The following PRPF4 variants were observed in gnomAD, a reference collection of about 807,000 sequenced individuals.
The protein encoded by PRPF4 is U4/U6 small nuclear ribonucleoprotein Prp4.
In PRPF4, 14 loss-of-function variants were observed where a neutral mutation model predicts 72.2. The observed-to-expected ratio is 0.19, with a 90% CI of 0.13 to 0.30. PRPF4 has a LOEUF of 0.30. Ranked by LOEUF, PRPF4 falls within the 10% of genes least tolerant of loss-of-function variation. PRPF4 has a pLI of 1.00. For missense variants in PRPF4, 478 were observed against 653.9 expected, an observed-to-expected ratio of 0.73 and a Z score of 2.93; for synonymous variants, 225 against 232.2, an observed-to-expected ratio of 0.97 and a Z score of 0.28.
intron 3 of PRPF4, 121 bp downstream of exon 3, chr9:113,279,252 A>G (rs534910779): frequency 1.1e-6 from 1 of 943,034 alleles, no homozygotes; most frequent in African/African-American, 1.7e-5. Flanking sequence ...ACAATATCTT[A>G]CTGTGTTTAT....
chr9:113,280,905 A>G (rs1832261854), intron 3 of PRPF4, among the ~76,000 whole-genome samples: 1 of 151,570 alleles, frequency 6.6e-6, no homozygotes, highest in African/African-American at 2.4e-5. Flanking sequence ...CGGTGGTGCA[A>G]TCTCAGCTCA....
chr9:113,289,630 T>C (rs1483921441), intron 10 of PRPF4, among the ~76,000 whole-genome samples: 1 of 152,242 alleles, frequency 6.6e-6, no homozygotes, highest in Non-Finnish European at 1.5e-5. Flanking sequence ...CTTTTGTCTT[T>C]ATTTCCATGT....
At chr9:113,288,101 C>G in intron 9 of PRPF4, 74 bp from the exon 10 acceptor site, 2 of 1,417,176 alleles carry the variant, frequency 1.4e-6, no homozygotes, top group Non-Finnish European at 2.0e-6. Context: ...ATGGGTATGT[C>G]TGCACAGAAG....
At chr9:113,290,434 G>A in intron 10 of PRPF4, 32 bp from the exon 11 acceptor site, 1 of 1,613,768 alleles carries the variant, frequency 6.2e-7, no homozygotes. Context: ...ATAAATATCA[G>A]CTGGTTGATT....
rs955399541 is a variant in PRPF4, at chr9:113,292,454, C to T, written c.*794C>T. 1 of 152,184 alleles carries T rather than the reference C, an allele frequency of 6.6e-6. No individual in the cohort carries two copies. Among genetic ancestry groups the T allele is most frequent in the African/African-American group, 2.4e-5 (1 of 41,434 alleles). 9.4% of individuals were successfully genotyped at this position (152,184 alleles called of 1,614,324 possible). On this transcript the variant is annotated 3_prime_UTR_variant, in exon 14 of 14. Coordinates refer to ENST00000374198, the MANE Select transcript of PRPF4 (RefSeq NM_001244926.2). Reference sequence around the variant, plus strand: ...ATCATAGCGAGCACTTTTCCTTTCCCTGGAGAATGGGATGTGAAGCAGTAG... The same window carrying T: ...ATCATAGCGAGCACTTTTCCTTTCCTTGGAGAATGGGATGTGAAGCAGTAG...
At chr9:113,278,094 A>T (rs1454067684) in intron 2 of PRPF4, among the ~76,000 whole-genome samples, 1 of 152,264 alleles carries the variant, frequency 6.6e-6, no homozygotes, top group African/African-American at 2.4e-5. Flanking sequence ...TAATACAGCT[A>T]AAAAGTATGT....
rs71367713 is a variant in PRPF4 at position 113,285,343 on chromosome 9, A to ATT, written c.750-837_750-836dup. ...CAATAGTGAGACCCTGTCTCTACAA[A>ATT]TTTTTTTTTTTTTTTTTTTTTTTTT... On this transcript the variant is annotated intron_variant, in intron 7 of 13. Coordinates refer to ENST00000374198, the MANE Select transcript of PRPF4 (RefSeq NM_001244926.2). Among the ~76,000 whole-genome samples, 124 of 67,570 alleles carry ATT rather than the reference A, an allele frequency of 1.8e-3. 10 individuals are homozygous for ATT. The highest frequency in any genetic ancestry group is 2.5e-3 in the Non-Finnish European group (85 of 34,174). 44.3% of individuals were successfully genotyped at this position (67,570 alleles called of 152,430 possible). A position where few individuals can be genotyped will look rare whatever the true frequency, so the allele number is the denominator to read the frequency against.
Position 113,283,432 on chromosome 9 carries a change from C to A in PRPF4, c.604C>A (p.Pro202Thr). The stretch of plus-strand genomic sequence containing the variant: ...AGAGGCCCGACTCCATAAGGAGATT[C>A]CTGAGACAACAAGGACCTCCCAGAT... ...LEEARLHKEI[P>T]ETTRTSQMQE... Residue 202 changes from proline (P) to threonine (T), a missense_variant, in exon 6 of 14, where the codon CCT becomes ACT. Transcript: ENST00000374198. 6.8e-6 allele frequency: 11 copies of A among 1,614,060 alleles called. No homozygotes were observed. Among genetic ancestry groups the A allele is most frequent in the Non-Finnish European group, 9.3e-6 (11 of 1,180,004 alleles).
intron 3 of PRPF4, among the ~76,000 whole-genome samples, chr9:113,280,775 T>A (rs899534915): frequency 6.6e-6 from 1 of 152,244 alleles, no homozygotes; most frequent in Non-Finnish European, 1.5e-5. Context: ...TGCTAGTTCT[T>A]TTTATGTCTT....
chr9:113,276,863 G>T, intron 2 of PRPF4, 138 bp downstream of exon 2: 1 of 969,074 alleles, frequency 1.0e-6, no homozygotes, highest in Non-Finnish European at 1.5e-6. Flanking sequence ...TCGCCAGGCT[G>T]GAGTGCAGTG....
chr9:113,281,617 T>C (rs1832286287), intron 3 of PRPF4, among the ~76,000 whole-genome samples: 2 of 152,194 alleles, frequency 1.3e-5, no homozygotes, highest in South Asian at 4.1e-4. Flanking sequence ...TCACCAGTCC[T>C]CTTCTATGTT....
chr9:113,278,205 G>A (rs1780627517), intron 2 of PRPF4, among the ~76,000 whole-genome samples: 1 of 152,084 alleles, frequency 6.6e-6, no homozygotes, highest in South Asian at 2.1e-4. Context: ...AGTAATGAGA[G>A]GTCTACTATA....
In PRPF4 at chr9:113,291,486, G is replaced by T. The variant is rs775477879; in HGVS notation, c.1392G>T (p.Leu464Phe). 23 of 1,613,620 alleles carry T rather than the reference G, an allele frequency of 1.4e-5. No individual in the cohort carries two copies. The highest frequency in any genetic ancestry group is 1.9e-5 in the Non-Finnish European group (22 of 1,179,682). The change falls in exon 14 of 14, where the codon TTG (leucine) becomes TTT (phenylalanine). Residue 464 changes from leucine to phenylalanine, a missense_variant. Leu to Phe is a conservative substitution (Grantham distance 22). Coordinates refer to ENST00000374198, the MANE Select transcript of PRPF4 (RefSeq NM_001244926.2). The stretch of plus-strand genomic sequence containing the variant: ...CTGTAGCTATCCATGGGAACTTCTT[G>T]CTTACTGGTGCCTATGATAACACAG... Reference protein sequence around the residue: ...VKFEPIHGNFLLTGAYDNTAK... With the variant: ...VKFEPIHGNFFLTGAYDNTAK...
chr9:113,278,357 A>G (rs1588008809), intron 2 of PRPF4, among the ~76,000 whole-genome samples: 1 of 152,350 alleles, frequency 6.6e-6, no homozygotes, highest in East Asian at 1.9e-4. Context: ...CATGCACTGT[A>G]GCCTAGTGAC....
chr9:113,286,415 T>G, intron 8 of PRPF4, 125 bp downstream of exon 8: 1 of 1,024,016 alleles, frequency 9.8e-7, no homozygotes, highest in Non-Finnish European at 1.5e-6. Flanking sequence ...TTGACTTGGT[T>G]TTCTCTGGCT....
Position 113,275,700 on chromosome 9 carries a change from G to C in PRPF4, c.-44G>C. 2 of 1,603,064 alleles carry C rather than the reference G, an allele frequency of 1.2e-6. No individual in the cohort carries two copies. The highest frequency in any genetic ancestry group is 1.7e-6 in the Non-Finnish European group (2 of 1,174,712). On this transcript the variant is annotated 5_prime_UTR_variant, in exon 1 of 14. Transcript: ENST00000374198. ...GGCGCGCGGTGGACGGTCTGAAAGG[G>C]AGTGTTCGGGTTTCGCTGGGGCCTC... is the stretch of plus-strand genomic sequence containing the variant.
In PRPF4 at chr9:113,292,610, A is replaced by G. The variant is rs761905590; in HGVS notation, c.*950A>G. On this transcript the variant is annotated 3_prime_UTR_variant, in exon 14 of 14. Transcript: ENST00000374198. ...TTTGTCAGAAAATATCTTTTTTTTT[A>G]CTTTGAAGTTTGGCAACCTTCATGT... 3.3e-5 allele frequency: 5 copies of G among 152,004 alleles called. No individual in the cohort carries two copies. The highest frequency in any genetic ancestry group is 1.3e-4 in the Admixed American group (2 of 15,268). The allele number at this position is 152,004 out of a possible 1,614,324, so 9.4% of individuals were successfully genotyped here.
At chr9:113,278,592 CTGT>C (rs1250813481) in intron 2 of PRPF4, among the ~76,000 whole-genome samples, 2 of 152,224 alleles carry the variant, frequency 1.3e-5, no homozygotes, top group African/African-American at 4.8e-5. Flanking sequence ...ATAGCTTTGG[CTGT>C]TGTTACAATA....
At chr9:113,287,685 A>G (rs1050768210) in intron 9 of PRPF4, among the ~76,000 whole-genome samples, 1 of 152,230 alleles carries the variant, frequency 6.6e-6, no homozygotes, top group African/African-American at 2.4e-5. Flanking sequence ...ATACTTAGCA[A>G]TGTTTATTCC....
Sources: allele counts gnomAD v4.1 joint callset (sites outside exome capture counted in the v4.1 genomes callset), GRCh38; gene constraint gnomAD v4.1.1; transcripts MANE v1.5; gene names NCBI Gene and HGNC (gene_info 2026-07-23, HGNC 2026-07-21).